Variants in PRKAG2 observed in about 807,000 individuals in gnomAD.
The protein encoded by PRKAG2 is protein kinase AMP-activated non-catalytic subunit gamma 2, also known as 5'-AMP-activated protein kinase subunit gamma-2.
In PRKAG2, 26 loss-of-function variants were observed where a neutral mutation model predicts 69.6. The ratio of observed to expected loss-of-function variants is 0.37; its 90% CI spans 0.27 to 0.52. The LOEUF (loss-of-function observed/expected upper bound fraction) is 0.52. Ranked by LOEUF, PRKAG2 falls within the 20% of genes least tolerant of loss-of-function variation. PRKAG2 has a pLI of 0.90. For synonymous variants in PRKAG2, 293 were observed against 285.0 expected (o/e 1.03, Z -0.28); for missense variants, 557 against 740.0 (o/e 0.75, Z 2.87).
chr7:151,653,605 T>C (rs1317571663), intron 4 of PRKAG2, among the ~76,000 whole-genome samples: 1 of 152,074 alleles, frequency 6.6e-6, no homozygotes, highest in Non-Finnish European at 1.5e-5. Flanking sequence ...ACTTTGTGAG[T>C]CTGAGGCGGG....
intron 1 of PRKAG2, among the ~76,000 whole-genome samples, chr7:151,795,845 T>C (rs1453026250): frequency 3.1e-4 from 19 of 61,292 alleles, no homozygotes; most frequent in South Asian, 6.8e-4. Flanking sequence ...CAAACAAATC[T>C]CATATATATA....
chr7:151,698,319 C>T (rs767684622), intron 3 of PRKAG2, among the ~76,000 whole-genome samples: 2 of 152,302 alleles, frequency 1.3e-5, no homozygotes, highest in African/African-American at 2.4e-5. Flanking sequence ...CCTGGTTTTT[C>T]CCTTCACTGT....
chr7:151,866,063 G>A (rs1243026137), intron 1 of PRKAG2, among the ~76,000 whole-genome samples: 1 of 151,826 alleles, frequency 6.6e-6, no homozygotes, highest in Non-Finnish European at 1.5e-5. Flanking sequence ...GGAGAAGACA[G>A]GTTATTTATT....
intron 5 of PRKAG2, among the ~76,000 whole-genome samples, chr7:151,609,039 A>T (rs1269878929): frequency 6.6e-6 from 1 of 152,162 alleles, no homozygotes; most frequent in Admixed American, 6.5e-5. Flanking sequence ...TTTTTAAGTG[A>T]AACAGCATTG....
chr7:151,557,877 A>T (rs1024469259), intron 15 of PRKAG2: 24 of 730,604 alleles, frequency 3.3e-5, no homozygotes, highest in Middle Eastern at 7.1e-4. Context: ...CGTCTCAAAT[A>T]AAAAAAAAAA....
Position 151,637,380 on chromosome 7 carries a change from G to A in PRKAG2, c.685-5242C>T, listed in dbSNP as rs543892929. 2.5e-4 allele frequency among the ~76,000 whole-genome samples: 38 copies of A among 152,194 alleles called. 1 individual carries two copies. The Middle Eastern group carries it at 0.014, about 54-fold the overall frequency. On this transcript the variant is annotated intron_variant, in intron 4 of 15. Transcript: ENST00000287878. Reference sequence around the variant, plus strand: ...AGCACCATCAATTTCACCTGTAATCGTGAGGGGTTGTTTTTTGGGAGGCAG... The same window carrying A: ...AGCACCATCAATTTCACCTGTAATCATGAGGGGTTGTTTTTTGGGAGGCAG...
At chr7:151,654,034 T>A (rs895927125) in intron 4 of PRKAG2, among the ~76,000 whole-genome samples, 1 of 152,218 alleles carries the variant, frequency 6.6e-6, no homozygotes, top group Non-Finnish European at 1.5e-5. Context: ...TTATTTTAGA[T>A]GTTTTAAATC....
At chr7:151,680,832 A>T (rs754065617) in intron 3 of PRKAG2, among the ~76,000 whole-genome samples, 4 of 152,270 alleles carry the variant, frequency 2.6e-5, no homozygotes, top group Middle Eastern at 3.4e-3. Flanking sequence ...CACTAGAATC[A>T]GGGCCATGGC....
At chr7:151,823,769 G>C (rs993488151) in intron 1 of PRKAG2, among the ~76,000 whole-genome samples, 3 of 152,122 alleles carry the variant, frequency 2.0e-5, no homozygotes, top group African/African-American at 7.2e-5. Context: ...CTGGTGGATG[G>C]GGGCTGGAAA....
chr7:151,622,342 C>T (rs766616322), intron 5 of PRKAG2, among the ~76,000 whole-genome samples: 2 of 152,218 alleles, frequency 1.3e-5, no homozygotes, highest in Non-Finnish European at 1.5e-5. Context: ...TATAATGGAT[C>T]TTTCTGTTGT....
chr7:151,665,868 G>C (rs1316197773), intron 4 of PRKAG2, among the ~76,000 whole-genome samples: 4 of 152,136 alleles, frequency 2.6e-5, no homozygotes, highest in African/African-American at 7.2e-5. Flanking sequence ...GATTTTTTAA[G>C]TGCCTTTCTA....
At position 151,763,337 on chromosome 7, in the gene PRKAG2, A is replaced by T. The variant is rs114901464; in HGVS notation, c.466+17815T>A. Among the ~76,000 whole-genome samples, 947 of 152,302 alleles carry T rather than the reference A, an allele frequency of 6.2e-3. 7 individuals are homozygous for T. Among genetic ancestry groups the T allele is most frequent in the African/African-American group, 0.021 (873 of 41,566 alleles). The stretch of plus-strand genomic sequence containing the variant: ...GCCATCCCGGCACAGAGTCGAGCAC[A>T]CGGGTTGCTCTTGATGTCTTGGGTG... On this transcript the variant is annotated intron_variant, in intron 3 of 15. Coordinates refer to ENST00000287878, the MANE Select transcript of PRKAG2 (RefSeq NM_016203.4).
At position 151,746,846 on chromosome 7, in the gene PRKAG2, C is replaced by G. The variant is rs551850452; in HGVS notation, c.466+34306G>C. ...ATAGGAGCTCCACACCTTGGCAGAA[C>G]CTGCTCTGGATCTCAGCAGAGAAAT... On this transcript the variant is annotated intron_variant, in intron 3 of 15. Transcript: ENST00000287878. 1.3e-3 allele frequency among the ~76,000 whole-genome samples: 204 copies of G among 152,308 alleles called. 2 individuals carry two copies. The highest frequency in any genetic ancestry group is 4.4e-3 in the African/African-American group (183 of 41,572).
intron 1 of PRKAG2, among the ~76,000 whole-genome samples, chr7:151,848,463 C>T (rs1195549578): frequency 7.0e-6 from 1 of 142,746 alleles, no homozygotes; most frequent in Non-Finnish European, 1.5e-5. Context: ...CACCCAGTCT[C>T]GGGTATTTTG....
At chr7:151,839,771 A>G (rs1326401114) in intron 1 of PRKAG2, among the ~76,000 whole-genome samples, 1 of 152,166 alleles carries the variant, frequency 6.6e-6, no homozygotes, top group African/African-American at 2.4e-5. Context: ...CACACCTGCA[A>G]TGTCACTGAG....
intron 1 of PRKAG2, among the ~76,000 whole-genome samples, chr7:151,787,674 A>G (rs2077082603): frequency 6.6e-6 from 1 of 151,974 alleles, no homozygotes; most frequent in African/African-American, 2.4e-5. Flanking sequence ...TATGGTATGA[A>G]TTGTGTCTCC....
intron 1 of PRKAG2, among the ~76,000 whole-genome samples, chr7:151,827,758 A>AAAAC (rs1351937400): frequency 6.8e-6 from 1 of 146,910 alleles, no homozygotes; most frequent in African/African-American, 2.5e-5. Context: ...AAAAAAAAAA[A>AAAAC]AAAAAAAAAA....
At chr7:151,823,485 G>A (rs535136147) in intron 1 of PRKAG2, among the ~76,000 whole-genome samples, 4 of 150,574 alleles carry the variant, frequency 2.7e-5, no homozygotes, top group African/African-American at 7.3e-5. Flanking sequence ...GCCAGGCACC[G>A]TGGTGGGTGC....
At chr7:151,578,752 C>T (rs1809624528) in intron 6 of PRKAG2, among the ~76,000 whole-genome samples, 1 of 152,174 alleles carries the variant, frequency 6.6e-6, no homozygotes, top group African/African-American at 2.4e-5. Context: ...GTTTCTGAAA[C>T]ACACCTTTAT....
Sources: allele counts gnomAD v4.1 joint callset (sites outside exome capture counted in the v4.1 genomes callset), GRCh38; gene constraint gnomAD v4.1.1; transcripts MANE v1.5; gene names NCBI Gene and HGNC (gene_info 2026-07-23, HGNC 2026-07-21).